The following AP3B1 variants were observed in gnomAD, a reference collection of about 807,000 sequenced individuals.
AP3B1 encodes the protein AP-3 complex subunit beta-1.
In AP3B1, 61 loss-of-function variants were observed where a neutral mutation model predicts 132.5. That is an observed-to-expected ratio of 0.46 (90% confidence interval 0.37 to 0.57). The LOEUF (loss-of-function observed/expected upper bound fraction) is 0.57. Among genes scored for constraint, AP3B1 ranks in the 20% least tolerant of loss-of-function variants. The pLI is 0.00. For synonymous variants in AP3B1, 388 were observed against 438.3 expected (o/e 0.89, Z 1.43); for missense variants, 1,120 against 1,289.4 (o/e 0.87, Z 2.01).
At chr5:78,041,293 T>C (rs1200608360) in intron 22 of AP3B1, among the ~76,000 whole-genome samples, 1 of 149,606 alleles carries the variant, frequency 6.7e-6, no homozygotes, top group African/African-American at 2.5e-5. Context: ...AAAAAAATCA[T>C]CACCTCTAAT....
chr5:78,203,332 C>T (rs937758660), intron 7 of AP3B1, among the ~76,000 whole-genome samples: 1 of 152,168 alleles, frequency 6.6e-6, no homozygotes, highest in South Asian at 2.1e-4. Flanking sequence ...GAGGAAGGCA[C>T]CTCTTAACAG....
intron 2 of AP3B1, among the ~76,000 whole-genome samples, chr5:78,245,243 C>G (rs1747329497): frequency 6.6e-6 from 1 of 152,172 alleles, no homozygotes; most frequent in Non-Finnish European, 1.5e-5. Context: ...GAAAGGGAGG[C>G]AATGCGTAAT....
At chr5:78,290,005 C>A (rs1324344416) in intron 1 of AP3B1, among the ~76,000 whole-genome samples, 1 of 152,168 alleles carries the variant, frequency 6.6e-6, no homozygotes, top group African/African-American at 2.4e-5. Flanking sequence ...AGTGTCACTA[C>A]CTCAGTGAAG....
At chr5:78,071,437 A>G (rs1749540089) in intron 22 of AP3B1, among the ~76,000 whole-genome samples, 1 of 152,214 alleles carries the variant, frequency 6.6e-6, no homozygotes, top group Non-Finnish European at 1.5e-5. Context: ...GAGTATCAGG[A>G]TAAATAGCTA....
At chr5:78,217,649 T>C (rs923799787) in intron 6 of AP3B1, among the ~76,000 whole-genome samples, 3 of 152,144 alleles carry the variant, frequency 2.0e-5, no homozygotes, top group African/African-American at 7.2e-5. Flanking sequence ...AAGTGACAAT[T>C]AGTATCATTT....
chr5:78,213,364 A>G (rs1745828755), intron 7 of AP3B1, among the ~76,000 whole-genome samples: 1 of 152,226 alleles, frequency 6.6e-6, no homozygotes. Flanking sequence ...TGGAAGAGTG[A>G]GAGCACAGAC....
rs562715056 is a variant in AP3B1 at position 78,197,392 on chromosome 5, A to G, written c.787-15730T>C. The stretch of plus-strand genomic sequence containing the variant: ...CATATAAGCTTTATGAAGGCAAAAA[A>G]TAACTCCATGAAGTATATTTTGGAA... On this transcript the variant is annotated intron_variant, in intron 7 of 26. Coordinates refer to ENST00000255194, the MANE Select transcript of AP3B1 (RefSeq NM_003664.5). 3.3e-4 allele frequency among the ~76,000 whole-genome samples: 51 copies of G among 152,322 alleles called. No homozygotes were observed. The South Asian group carries it at 9.3e-3, about 28-fold the overall frequency.
intron 24 of AP3B1, among the ~76,000 whole-genome samples, chr5:78,023,355 T>C (rs1039426331): frequency 6.6e-6 from 1 of 152,058 alleles, no homozygotes; most frequent in East Asian, 1.9e-4. Flanking sequence ...GCTGGGAGGA[T>C]TGCTTAAGCC....
At chr5:78,098,090 G>T (rs537738449) in intron 21 of AP3B1, among the ~76,000 whole-genome samples, 119 of 151,044 alleles carry the variant, frequency 7.9e-4, no homozygotes, top group Non-Finnish European at 1.4e-3. Flanking sequence ...CAGCATGCTC[G>T]TTAAGAGTCA....
intron 21 of AP3B1, among the ~76,000 whole-genome samples, chr5:78,097,639 C>T (rs1286426772): frequency 1.1e-4 from 15 of 134,422 alleles, no homozygotes; most frequent in Non-Finnish European, 8.3e-5. Flanking sequence ...CCAGCCGCCC[C>T]GTCCGGGAGG....
intron 7 of AP3B1, among the ~76,000 whole-genome samples, chr5:78,190,662 G>A (rs1189008142): frequency 6.6e-6 from 1 of 151,762 alleles, no homozygotes; most frequent in African/African-American, 2.4e-5. Flanking sequence ...TCCTTGTCTT[G>A]GTTTACTCAT....
intron 3 of AP3B1, among the ~76,000 whole-genome samples, chr5:78,236,426 A>C (rs1346224924): frequency 6.6e-6 from 1 of 152,226 alleles, no homozygotes; most frequent in Non-Finnish European, 1.5e-5. Context: ...AGGAGTCAAA[A>C]ATATTAAGAG....
At chr5:78,082,869 G>A in intron 22 of AP3B1, among the ~76,000 whole-genome samples, 1 of 151,830 alleles carries the variant, frequency 6.6e-6, no homozygotes, top group East Asian at 1.9e-4. Flanking sequence ...AAGCTGGAGT[G>A]CAGTGGCGCG....
intron 2 of AP3B1, among the ~76,000 whole-genome samples, chr5:78,250,081 C>A (rs1747566998): frequency 6.6e-6 from 1 of 152,134 alleles, no homozygotes; most frequent in Admixed American, 6.5e-5. Context: ...AATCTAGTTA[C>A]AACCTAAGAA....
intron 7 of AP3B1, among the ~76,000 whole-genome samples, chr5:78,197,076 T>A (rs1745103680): frequency 6.6e-6 from 1 of 152,186 alleles, no homozygotes; most frequent in African/African-American, 2.4e-5. Context: ...AAAATGTTGA[T>A]GGTGGGGGAT....
chr5:78,160,090 C>T (rs1204254395), intron 13 of AP3B1, among the ~76,000 whole-genome samples: 1 of 152,136 alleles, frequency 6.6e-6, no homozygotes, highest in Non-Finnish European at 1.5e-5. Flanking sequence ...TAAGTGGTCA[C>T]TATATGGGAA....
chr5:78,044,493 C>G (rs2112111811), intron 22 of AP3B1, among the ~76,000 whole-genome samples: 1 of 152,240 alleles, frequency 6.6e-6, no homozygotes, highest in African/African-American at 2.4e-5. Flanking sequence ...AGCTTTATCT[C>G]TGTGGAAATT....
chr5:78,114,072 C>A, intron 18 of AP3B1, 149 bp from the exon 19 acceptor site: 1 of 880,160 alleles, frequency 1.1e-6, no homozygotes, highest in South Asian at 1.6e-5. Context: ...TTCCCACACC[C>A]CATTCTTTCA....
chr5:78,137,552 G>A (rs1262660288), intron 15 of AP3B1, among the ~76,000 whole-genome samples: 1 of 152,052 alleles, frequency 6.6e-6, no homozygotes, highest in African/African-American at 2.4e-5. Flanking sequence ...CTGTCCTCAG[G>A]ATAAAAGCCA....
Sources: allele counts gnomAD v4.1 joint callset (sites outside exome capture counted in the v4.1 genomes callset), GRCh38; gene constraint gnomAD v4.1.1; transcripts MANE v1.5; gene names NCBI Gene and HGNC (gene_info 2026-07-23, HGNC 2026-07-21).